The following CFH variants were observed in gnomAD, a reference collection of about 807,000 sequenced individuals.
CFH encodes the protein H factor 1 (complement).
A neutral mutation model predicts 147.3 loss-of-function variants in CFH; 53 were observed. The ratio of observed to expected loss-of-function variants is 0.36; its 90% CI spans 0.29 to 0.45. CFH has a LOEUF of 0.45. Ranked by LOEUF, CFH falls within the 20% of genes least tolerant of loss-of-function variation. The pLI is 1.00. For missense variants in CFH, 1,380 were observed against 1,498.0 expected (o/e 0.92, Z 1.30); for synonymous variants, 536 against 489.4 (o/e 1.10, Z -1.26).
At chr1:196,695,386 A>G (rs1417371678) in intron 9 of CFH, among the ~76,000 whole-genome samples, 1 of 152,174 alleles carries the variant, frequency 6.6e-6, no homozygotes, top group East Asian at 1.9e-4. Flanking sequence ...TGGTACAAGT[A>G]CCATGTTGTT....
intron 15 of CFH, among the ~76,000 whole-genome samples, chr1:196,734,772 C>A (rs756292661): frequency 6.6e-6 from 1 of 151,610 alleles, no homozygotes; most frequent in Non-Finnish European, 1.5e-5. Context: ...TTACTTTGTC[C>A]TCAATTTTAT....
intron 6 of CFH, among the ~76,000 whole-genome samples, chr1:196,681,482 A>T (rs1439560214): frequency 2.0e-5 from 3 of 151,380 alleles, no homozygotes; most frequent in Admixed American, 6.6e-5. Flanking sequence ...ACACACACAC[A>T]CACACACACA....
intron 7 of CFH, among the ~76,000 whole-genome samples, chr1:196,686,027 C>T (rs1667814912): frequency 6.6e-6 from 1 of 152,038 alleles, no homozygotes; most frequent in Non-Finnish European, 1.5e-5. Flanking sequence ...GAGGCAAGCA[C>T]ATCTTACCAT....
chr1:196,673,081 T>C lies in CFH; in HGVS notation c.162T>C (p.Pro54=). The change falls in exon 2 of 22, where the codon CCT becomes CCC. Residue 54 remains proline (P), a synonymous_variant. Transcript: ENST00000367429. ...EGTQAIYKCR[P]GYRSLGNVIM... is the part of the protein sequence containing the mutation. ...CCCAGGCTATCTATAAATGCCGCCC[T>C]GGATATAGATCTCTTGGAAATGTAA... is the stretch of plus-strand genomic sequence containing the variant. 6.2e-7 allele frequency: 1 copy of C among 1,614,008 alleles called. No homozygotes were observed. Among genetic ancestry groups the C allele is most frequent in the Non-Finnish European group, 8.5e-7 (1 of 1,179,898 alleles).
chr1:196,694,923 G>T (rs1668199676), intron 9 of CFH, among the ~76,000 whole-genome samples: 1 of 152,178 alleles, frequency 6.6e-6, no homozygotes, highest in Non-Finnish European at 1.5e-5. Context: ...CAGATGGATA[G>T]ATTGCAAAAA....
At chr1:196,723,449 A>G (rs1669051326) in intron 11 of CFH, among the ~76,000 whole-genome samples, 1 of 152,142 alleles carries the variant, frequency 6.6e-6, no homozygotes, top group Non-Finnish European at 1.5e-5. Flanking sequence ...GGTATGGAGG[A>G]CTACGCAGAA....
At chr1:196,709,577 G>A (rs995726808) in intron 9 of CFH, among the ~76,000 whole-genome samples, 2 of 152,034 alleles carry the variant, frequency 1.3e-5, no homozygotes, top group Non-Finnish European at 2.9e-5. Flanking sequence ...TGATTAAGGG[G>A]GAAAAATTCA....
chr1:196,660,466 G>A (rs1666861113), intron 1 of CFH, among the ~76,000 whole-genome samples: 1 of 152,178 alleles, frequency 6.6e-6, no homozygotes, highest in South Asian at 2.1e-4. Flanking sequence ...AGAATCACTT[G>A]TCACTCTGTG....
At position 196,737,554 on chromosome 1, in the gene CFH, A is replaced by T; in HGVS notation, c.2676A>T (p.Ala892=). ...CCAGGTCTTCACAAGAAAGTTATGC[A>T]CATGGGACTAAATTGAGTTATACTT... ...NSSRSSQESY[A]HGTKLSYTCE... is the part of the protein sequence containing the mutation. The change falls in exon 17 of 22, where the codon GCA becomes GCT. Residue 892 remains alanine, a synonymous_variant. Coordinates refer to ENST00000367429, the MANE Select transcript of CFH (RefSeq NM_000186.4). 6.2e-7 allele frequency: 1 copy of T among 1,613,344 alleles called. No homozygotes were observed.
At chr1:196,680,716 T>C (rs1370263440) in intron 6 of CFH, among the ~76,000 whole-genome samples, 1 of 151,616 alleles carries the variant, frequency 6.6e-6, no homozygotes, top group Non-Finnish European at 1.5e-5. Context: ...GAAAGAAGAG[T>C]TGAACTCTTA....
chr1:196,726,299 A>G (rs1287789488), intron 12 of CFH, among the ~76,000 whole-genome samples, 171 bp from the exon 13 acceptor site: 2 of 152,172 alleles, frequency 1.3e-5, no homozygotes, highest in Non-Finnish European at 2.9e-5. Context: ...CAATATGACA[A>G]TTTAGTATAA....
chr1:196,655,440 ACTAAAAATGAAATAT>A (rs773365063), intron 1 of CFH, among the ~76,000 whole-genome samples: 26 of 152,356 alleles, frequency 1.7e-4, no homozygotes, highest in Admixed American at 2.6e-4. Context: ...TATAATTTAA[ACTAAAAATGAAATAT>A]CTAAGTATTG....
intron 4 of CFH, chr1:196,677,173 T>C (rs938183866): frequency 1.1e-5 from 3 of 266,714 alleles, no homozygotes; most frequent in African/African-American, 4.4e-5. Context: ...TGTATTTAAT[T>C]ATCTCAAGCT....
At chr1:196,711,708 G>C (rs1051222803) in intron 9 of CFH, among the ~76,000 whole-genome samples, 1 of 152,016 alleles carries the variant, frequency 6.6e-6, no homozygotes, top group African/African-American at 2.4e-5. Context: ...ACGTGACCTA[G>C]ATGTTCAAAC....
At chr1:196,741,682 T>C (rs1652812786) in intron 18 of CFH, 193 bp from the exon 19 acceptor site, 2 of 578,230 alleles carry the variant, frequency 3.5e-6, no homozygotes, top group Non-Finnish European at 3.1e-6. Context: ...ATTTCTATCT[T>C]GTATTTTTAA....
chr1:196,679,134 G>A (rs1667559889), intron 5 of CFH: 1 of 145,514 alleles, frequency 6.9e-6, no homozygotes, highest in Non-Finnish European at 1.5e-5. Flanking sequence ...AAAGATGATG[G>A]CCATTTTTTT....
At chr1:196,742,112 C>T (rs932074718) in intron 19 of CFH, 61 bp downstream of exon 19, 4 of 1,526,862 alleles carry the variant, frequency 2.6e-6, no homozygotes, top group African/African-American at 1.4e-5. Flanking sequence ...CAGTGGCTGG[C>T]GCCTGTAATC....
chr1:196,687,192 T>G (rs1426744252), intron 7 of CFH, among the ~76,000 whole-genome samples: 1 of 152,076 alleles, frequency 6.6e-6, no homozygotes, highest in Non-Finnish European at 1.5e-5. Context: ...TTTTATCAAT[T>G]TTAAGATCTG....
At position 196,676,080 on chromosome 1, in the gene CFH, T is replaced by A; in HGVS notation, c.427+15T>A. Reference sequence around the variant, plus strand: ...TATATGTGAAGGTAGACATAAAATGTATTTACAAGTATATTGAAATAAATA... The same window carrying A: ...TATATGTGAAGGTAGACATAAAATGAATTTACAAGTATATTGAAATAAATA... On this transcript the variant is annotated intron_variant, in intron 4 of 21. Coordinates refer to ENST00000367429, the MANE Select transcript of CFH (RefSeq NM_000186.4). 1 of 1,450,298 alleles carries A rather than the reference T, an allele frequency of 6.9e-7. No individual in the cohort carries two copies. Among genetic ancestry groups the A allele is most frequent in the Non-Finnish European group, 9.7e-7 (1 of 1,036,258 alleles). 89.8% of individuals were successfully genotyped at this position (1,450,298 alleles called of 1,614,324 possible).
Sources: gnomAD v4.1 joint callset for allele counts (sites outside exome capture counted in the v4.1 genomes callset) on GRCh38, gnomAD v4.1.1 for gene constraint, MANE v1.5 for transcripts, NCBI Gene and HGNC (gene_info 2026-07-23, HGNC 2026-07-21) for gene names.